The following RBFOX1 variants were observed in gnomAD, a reference collection of about 807,000 sequenced individuals.
The protein encoded by RBFOX1 is RNA binding protein fox-1 homolog 1.
A neutral mutation model predicts 57.7 loss-of-function variants in RBFOX1; 8 were observed. The observed-to-expected ratio is 0.14, with a 90% CI of 0.08 to 0.25. RBFOX1 has a LOEUF of 0.25. Among genes scored for constraint, RBFOX1 ranks in the 10% least tolerant of loss-of-function variants. The pLI is 1.00. For synonymous variants in RBFOX1, 326 were observed against 222.4 expected, an observed-to-expected ratio of 1.47 and a Z score of -4.15; for missense variants, 611 against 548.5, an observed-to-expected ratio of 1.11 and a Z score of -1.14.
intron 5 of RBFOX1, among the ~76,000 whole-genome samples, chr16:7,572,469 A>C (rs2092885857): frequency 6.6e-6 from 1 of 152,186 alleles, no homozygotes; most frequent in South Asian, 2.1e-4. Context: ...ACTCACGGGT[A>C]GGCGACTGGC....
chr16:7,085,517 C>G (rs1355099029), intron 4 of RBFOX1, among the ~76,000 whole-genome samples: 1 of 152,028 alleles, frequency 6.6e-6, no homozygotes, highest in Non-Finnish European at 1.5e-5. Context: ...CCACTGCATC[C>G]CGGGTGCCTC....
chr16:6,181,154 C>T (rs889431342), intron 1 of RBFOX1, among the ~76,000 whole-genome samples: 1 of 152,164 alleles, frequency 6.6e-6, no homozygotes, highest in African/African-American at 2.4e-5. Context: ...TTGGCTCTCT[C>T]CAGTTTTCCA....
intron 2 of RBFOX1, among the ~76,000 whole-genome samples, chr16:6,645,254 A>G (rs966085275): frequency 2.6e-5 from 4 of 152,168 alleles, no homozygotes; most frequent in African/African-American, 9.7e-5. Context: ...ATGTCTGCAC[A>G]GACTCCATTT....
At chr16:6,891,675 A>G (rs984990813) in intron 3 of RBFOX1, among the ~76,000 whole-genome samples, 6 of 152,154 alleles carry the variant, frequency 3.9e-5, no homozygotes, top group African/African-American at 1.2e-4. Context: ...TGTTAATGTA[A>G]TGTTTTCCTT....
chr16:6,029,870 C>G (rs1022487701), intron 1 of RBFOX1, among the ~76,000 whole-genome samples: 1 of 151,286 alleles, frequency 6.6e-6, no homozygotes, highest in East Asian at 1.9e-4. Context: ...GCAGGACAAG[C>G]GAGCTATGAA....
At chr16:6,198,328 T>C (rs1405375212) in intron 1 of RBFOX1, among the ~76,000 whole-genome samples, 1 of 152,202 alleles carries the variant, frequency 6.6e-6, no homozygotes, top group Admixed American at 6.5e-5. Context: ...GATGACAAGA[T>C]ACATTCAAGG....
intron 3 of RBFOX1, among the ~76,000 whole-genome samples, chr16:6,688,268 C>G (rs1381262108): frequency 4.6e-5 from 7 of 151,922 alleles, no homozygotes; most frequent in Non-Finnish European, 2.9e-5. Context: ...CAATTGTAAA[C>G]AACCACATCT....
At chr16:7,150,076 G>C (rs1264788286) in intron 4 of RBFOX1, among the ~76,000 whole-genome samples, 1 of 152,176 alleles carries the variant, frequency 6.6e-6, no homozygotes, top group Admixed American at 6.6e-5. Flanking sequence ...GCCCCAGCCA[G>C]GTTGCCTGTT....
intron 2 of RBFOX1, among the ~76,000 whole-genome samples, chr16:6,468,401 A>C (rs991761146): frequency 4.6e-5 from 7 of 152,302 alleles, no homozygotes; most frequent in East Asian, 3.9e-4. Flanking sequence ...ATCTTTTATA[A>C]GCCCCGCAAC....
chr16:6,283,978 T>G (rs936526405), intron 1 of RBFOX1, among the ~76,000 whole-genome samples: 4 of 152,216 alleles, frequency 2.6e-5, no homozygotes, highest in African/African-American at 9.6e-5. Flanking sequence ...AGAAAGTTCC[T>G]TTTTCGTGTT....
chr16:6,942,631 C>G (rs1346801498), intron 3 of RBFOX1, among the ~76,000 whole-genome samples: 1 of 152,072 alleles, frequency 6.6e-6, no homozygotes, highest in Non-Finnish European at 1.5e-5. Context: ...GGAGACGGTG[C>G]TAGGCAGAGT....
At chr16:7,383,020 C>G (rs12449258) in intron 4 of RBFOX1, among the ~76,000 whole-genome samples, 7,056 of 151,662 alleles carry the variant, frequency 0.047, 201 homozygotes, top group South Asian at 0.11. Context: ...TAAGCAAGGC[C>G]AGAAAATGCC....
chr16:5,903,680 T>C (rs1408825823), intron 4 of RBFOX1, among the ~76,000 whole-genome samples: 1 of 152,014 alleles, frequency 6.6e-6, no homozygotes, highest in Non-Finnish European at 1.5e-5. Flanking sequence ...AATAGTAAAA[T>C]TTATGCTTGG....
intron 2 of RBFOX1, among the ~76,000 whole-genome samples, chr16:5,496,394 C>G (rs541598683): frequency 1.3e-5 from 2 of 152,246 alleles, no homozygotes; most frequent in African/African-American, 4.8e-5. Flanking sequence ...TATTCTCTCC[C>G]CATTTTTACA....
At chr16:5,833,667 A>C (rs1312797265) in intron 3 of RBFOX1, among the ~76,000 whole-genome samples, 1 of 152,130 alleles carries the variant, frequency 6.6e-6, no homozygotes, top group African/African-American at 2.4e-5. Context: ...GTGATCCGTA[A>C]ATCAAGAATG....
At chr16:7,293,020 G>A (rs1291475955) in intron 4 of RBFOX1, among the ~76,000 whole-genome samples, 1 of 152,140 alleles carries the variant, frequency 6.6e-6, no homozygotes, top group Non-Finnish European at 1.5e-5. Flanking sequence ...GTAAGGCAGA[G>A]AAAGTCTGGA....
At chr16:5,599,022 G>T (rs985797173) in exon 3 of RBFOX1, 2 of 1,369,134 alleles carry the variant, frequency 1.5e-6, no homozygotes, top group East Asian at 2.5e-5. Context: ...ATCCTTTTCA[G>T]CCTCTTTGGT....
At chr16:5,241,138 C>T (rs2062156833) in intron 1 of RBFOX1, among the ~76,000 whole-genome samples, 2 of 152,200 alleles carry the variant, frequency 1.3e-5, no homozygotes, top group Non-Finnish European at 2.9e-5. Context: ...TAGCCGTCCT[C>T]GCCGTGGGCT....
intron 2 of RBFOX1, among the ~76,000 whole-genome samples, chr16:6,492,247 T>A (rs2095648839): frequency 6.6e-6 from 1 of 152,224 alleles, no homozygotes; most frequent in South Asian, 2.1e-4. Context: ...TAGTACCTTC[T>A]TCTGTAGAGG....
Sources: gnomAD v4.1 joint callset for allele counts (sites outside exome capture counted in the v4.1 genomes callset) on GRCh38, gnomAD v4.1.1 for gene constraint, MANE v1.5 for transcripts, NCBI Gene and HGNC (gene_info 2026-07-23, HGNC 2026-07-21) for gene names.